ASB3: variants seen among roughly 807,000 people sequenced by gnomAD.
The protein encoded by ASB3 is ankyrin repeat and SOCS box protein 3.
Under a neutral mutation model 54.5 loss-of-function variants are expected in ASB3, and 41 were observed. The observed-to-expected ratio is 0.75, with a 90% CI of 0.59 to 0.98. The LOEUF (loss-of-function observed/expected upper bound fraction) is 0.98. ASB3 is among the 50% of genes least tolerant of loss of function. The probability of loss-of-function intolerance (pLI) is 0.00; values close to 1 mark genes in which losing one functional copy is unlikely to be tolerated. For missense variants in ASB3, 733 were observed against 620.0 expected, an observed-to-expected ratio of 1.18 and a Z score of -1.94; for synonymous variants, 266 against 221.2, an observed-to-expected ratio of 1.20 and a Z score of -1.80.
chr2:53,748,780 C>G (rs1002893886), intron 3 of ASB3, among the ~76,000 whole-genome samples: 1 of 152,090 alleles, frequency 6.6e-6, no homozygotes, highest in Non-Finnish European at 1.5e-5. Flanking sequence ...CTAAATATAA[C>G]AAGTGATCTT....
rs149519729 is a variant in ASB3, at chr2:53,782,404, C to T, written c.-14+4417G>A. Among the ~76,000 whole-genome samples the T allele has an allele frequency of 1.2e-4, 19 of 152,196 alleles. No homozygotes were observed. The East Asian group carries it at 2.9e-3, about 23-fold the overall frequency. ...GAGAAGGCTATAGCAATGTAGAAGA[C>T]ATTCTTGCCAGCAGAGCCTGGAGAG... is the stretch of plus-strand genomic sequence containing the variant. On this transcript the variant is annotated intron_variant, in intron 1 of 9. Transcript: ENST00000263634.
At chr2:53,678,872 G>A (rs1668221767) in intron 9 of ASB3, among the ~76,000 whole-genome samples, 1 of 152,090 alleles carries the variant, frequency 6.6e-6, no homozygotes, top group Non-Finnish European at 1.5e-5. Context: ...CAAGGTCTGG[G>A]GGGCAATGTT....
chr2:53,708,482 G>A (rs1558529657), intron 7 of ASB3, among the ~76,000 whole-genome samples: 1 of 152,212 alleles, frequency 6.6e-6, no homozygotes, highest in African/African-American at 2.4e-5. Flanking sequence ...AATTGGCACT[G>A]AAGAGTGGGG....
chr2:53,767,866 G>A, intron 1 of ASB3: 2 of 1,594,982 alleles, frequency 1.3e-6, no homozygotes, highest in Non-Finnish European at 1.7e-6. Context: ...ACGGCCACTG[G>A]GGCAGAGGAG....
chr2:53,701,154 T>C (rs1431436650), intron 7 of ASB3, among the ~76,000 whole-genome samples: 6 of 152,148 alleles, frequency 3.9e-5, no homozygotes, highest in African/African-American at 1.4e-4. Flanking sequence ...TTAAATTTTT[T>C]TGTAGAGACA....
intron 3 of ASB3, among the ~76,000 whole-genome samples, chr2:53,740,631 A>G (rs1465990204): frequency 6.6e-6 from 1 of 152,210 alleles, no homozygotes; most frequent in African/African-American, 2.4e-5. Flanking sequence ...TAACAATCTT[A>G]AAGATGCATA....
At chr2:53,740,095 G>A (rs1304754547) in intron 3 of ASB3, among the ~76,000 whole-genome samples, 1 of 152,164 alleles carries the variant, frequency 6.6e-6, no homozygotes, top group Non-Finnish European at 1.5e-5. Flanking sequence ...CAGCAGGCTG[G>A]CTGGCTATGC....
Position 53,767,691 on chromosome 2 carries a change from A to G in ASB3, c.-13-2106T>C. On this transcript the variant is annotated intron_variant, in intron 1 of 9. Coordinates refer to ENST00000263634, the MANE Select transcript of ASB3 (RefSeq NM_016115.5). ...TCAATGCCTCTTGACACCCTAATCA[A>G]GGAAATAAAATAAAGCTGACTGAGA... is the stretch of plus-strand genomic sequence containing the variant. The G allele has an allele frequency of 6.3e-6, 4 of 635,558 alleles. 1 individual carries two copies. In the South Asian group the frequency reaches 7.9e-5, roughly 13 times the overall value. The allele number at this position is 635,558 out of a possible 1,614,324, so 39.4% of individuals were successfully genotyped here.
intron 9 of ASB3, among the ~76,000 whole-genome samples, chr2:53,671,376 G>A (rs1231725678): frequency 2.0e-5 from 3 of 151,702 alleles, no homozygotes; most frequent in Non-Finnish European, 4.4e-5. Flanking sequence ...GTGTGTGTGT[G>A]TGTGTGTGTG....
intron 8 of ASB3, among the ~76,000 whole-genome samples, chr2:53,700,003 G>A (rs1443963947): frequency 6.6e-6 from 1 of 152,142 alleles, no homozygotes; most frequent in Non-Finnish European, 1.5e-5. Context: ...CATGAGGAAT[G>A]CCCAGAAGTC....
At chr2:53,774,486 G>A (rs373386939) in intron 1 of ASB3, 29 of 1,578,814 alleles carry the variant, frequency 1.8e-5, no homozygotes, top group Non-Finnish European at 2.4e-5. Flanking sequence ...AATTAGTAAA[G>A]GAACGTTTAG....
chr2:53,773,678 C>T (rs988232156), intron 1 of ASB3, among the ~76,000 whole-genome samples: 1 of 151,900 alleles, frequency 6.6e-6, no homozygotes, highest in Non-Finnish European at 1.5e-5. Context: ...ATCCACTCAC[C>T]TCGGCCTCCC....
At chr2:53,714,243 GT>G (rs1319955572) in intron 7 of ASB3, 140 bp downstream of exon 7, 8 of 1,056,158 alleles carry the variant, frequency 7.6e-6, no homozygotes, top group Non-Finnish European at 1.1e-5. Context: ...AAACATCATA[GT>G]TTTTTTCCTA....
chr2:53,775,611 G>A lies in ASB3; in HGVS notation c.-13-10026C>T, dbSNP rs181138165. On this transcript the variant is annotated intron_variant, in intron 1 of 9. Transcript: ENST00000263634. ...CTGCCTCAGCCTCCCGCGTAGCTGG[G>A]ATTACAGGCATGTGCCACCACGCCC... Among the ~76,000 whole-genome samples, 930 of 152,304 alleles carry A rather than the reference G, an allele frequency of 6.1e-3. 4 individuals carry two copies. Among genetic ancestry groups the A allele is most frequent in the Middle Eastern group, 0.017 (5 of 294 alleles).
intron 8 of ASB3, among the ~76,000 whole-genome samples, chr2:53,699,024 G>C (rs907361509): frequency 6.6e-6 from 1 of 152,110 alleles, no homozygotes; most frequent in Non-Finnish European, 1.5e-5. Flanking sequence ...CCTGAGACTG[G>C]GTAATTTATA....
rs558001245 is a variant in ASB3 at position 53,744,691 on chromosome 2, T to G, written c.355+6092A>C. Among the ~76,000 whole-genome samples, 11 of 151,988 alleles carry G rather than the reference T, an allele frequency of 7.2e-5. No individual in the cohort carries two copies. In the South Asian group the frequency reaches 8.3e-4, roughly 11 times the overall value. ...AACATAATATATAAAGAGATATGAA[T>G]GTGAAACCACAAAATTCATAGCACA... On this transcript the variant is annotated intron_variant, in intron 3 of 9. Transcript: ENST00000263634.
chr2:53,699,454 T>C (rs1007653019), intron 8 of ASB3, among the ~76,000 whole-genome samples: 2 of 152,194 alleles, frequency 1.3e-5, no homozygotes, highest in African/African-American at 4.8e-5. Context: ...TCAGAGTTAA[T>C]AGCTTTGGTA....
intron 5 of ASB3, among the ~76,000 whole-genome samples, chr2:53,718,465 G>A (rs563694049): frequency 8.5e-5 from 13 of 152,180 alleles, no homozygotes; most frequent in South Asian, 6.2e-4. Flanking sequence ...ACAAGCAAGC[G>A]ATAAGACAAT....
At chr2:53,734,989 G>A (rs1483439225) in intron 3 of ASB3, among the ~76,000 whole-genome samples, 1 of 140,422 alleles carries the variant, frequency 7.1e-6, no homozygotes, top group Admixed American at 7.5e-5. Flanking sequence ...GTGCGATCTT[G>A]GCTCACTACA....
Sources: gnomAD v4.1 joint callset for allele counts (sites outside exome capture counted in the v4.1 genomes callset) on GRCh38, gnomAD v4.1.1 for gene constraint, MANE v1.5 for transcripts, NCBI Gene and HGNC (gene_info 2026-07-23, HGNC 2026-07-21) for gene names.